Variants in RAB3C observed in about 807,000 individuals in gnomAD.
The protein encoded by RAB3C is RAB3C, member RAS oncogene family.
Under a neutral mutation model 26.4 loss-of-function variants are expected in RAB3C, and 17 were observed. The ratio of observed to expected loss-of-function variants is 0.64; its 90% CI spans 0.44 to 0.97. The LOEUF (loss-of-function observed/expected upper bound fraction) is 0.97. Among genes scored for constraint, RAB3C ranks in the 50% least tolerant of loss-of-function variants. RAB3C has a pLI of 0.00. For synonymous variants in RAB3C, 91 were observed against 95.9 expected, an observed-to-expected ratio of 0.95 and a Z score of 0.30; for missense variants, 242 against 281.9, an observed-to-expected ratio of 0.86 and a Z score of 1.01.
chr5:58,610,321 T>C (rs4700301), intron 1 of RAB3C, among the ~76,000 whole-genome samples: 21,355 of 151,596 alleles, frequency 0.14, 1,633 homozygotes, highest in Non-Finnish European at 0.16. Context: ...GCTAAACTGT[T>C]TGTCAGAGAG....
At chr5:58,778,030 G>A (rs1742187753) in intron 3 of RAB3C, among the ~76,000 whole-genome samples, 1 of 151,994 alleles carries the variant, frequency 6.6e-6, no homozygotes, top group Admixed American at 6.6e-5. Context: ...GTACATTGTG[G>A]GTGCTCATTT....
At chr5:58,762,458 C>T (rs999831145) in intron 3 of RAB3C, among the ~76,000 whole-genome samples, 18 of 152,074 alleles carry the variant, frequency 1.2e-4, no homozygotes, top group African/African-American at 4.3e-4. Flanking sequence ...TCTGGGAGGC[C>T]GAGGCAAGTG....
rs1310261110 is a variant in RAB3C, at chr5:58,851,859, T to TA, written c.*509dup. On this transcript the variant is annotated 3_prime_UTR_variant, in exon 5 of 5. Transcript: ENST00000282878. ...ATCAAATGGAAGTTTTTCTCATGAT[T>TA]AGGGACGCTGTCACGAGTCTGGTCA... 1.3e-5 allele frequency: 2 copies of TA among 152,216 alleles called. No homozygotes were observed. Among genetic ancestry groups the TA allele is most frequent in the African/African-American group, 4.8e-5 (2 of 41,442 alleles). 9.4% of individuals were successfully genotyped at this position (152,216 alleles called of 1,614,324 possible).
At chr5:58,651,986 A>G (rs1747662624) in intron 2 of RAB3C, among the ~76,000 whole-genome samples, 1 of 152,072 alleles carries the variant, frequency 6.6e-6, no homozygotes, top group Non-Finnish European at 1.5e-5. Context: ...TTGTTGTATT[A>G]TTATCTTTTA....
At chr5:58,702,817 C>T (rs1009843987) in intron 2 of RAB3C, among the ~76,000 whole-genome samples, 1 of 152,128 alleles carries the variant, frequency 6.6e-6, no homozygotes, top group African/African-American at 2.4e-5. Context: ...CCAGAGAGAA[C>T]TAATAATATT....
At chr5:58,821,334 G>A (rs1743337431) in intron 3 of RAB3C, among the ~76,000 whole-genome samples, 3 of 152,162 alleles carry the variant, frequency 2.0e-5, no homozygotes, top group African/African-American at 4.8e-5. Flanking sequence ...AAGACCTATA[G>A]GAACAAGAGA....
intron 2 of RAB3C, among the ~76,000 whole-genome samples, chr5:58,711,705 G>A (rs977867388): frequency 2.6e-5 from 4 of 152,094 alleles, no homozygotes; most frequent in Non-Finnish European, 5.9e-5. Context: ...ACTCAAAGGG[G>A]TTTAATTACT....
chr5:58,787,766 T>A (rs1021338346), intron 3 of RAB3C, among the ~76,000 whole-genome samples: 1 of 152,154 alleles, frequency 6.6e-6, no homozygotes, highest in Non-Finnish European at 1.5e-5. Flanking sequence ...ATCTAAGGAC[T>A]GTGGAGAGCT....
chr5:58,820,707 C>T lies in RAB3C; in HGVS notation c.372-4331C>T, dbSNP rs542302123. On this transcript the variant is annotated intron_variant, in intron 3 of 4. Coordinates refer to ENST00000282878, the MANE Select transcript of RAB3C (RefSeq NM_138453.4). ...AAAATATTCATTTTACATTATTTCC[C>T]GACAATTTAGAACATTTGAGGTTAC... is the stretch of plus-strand genomic sequence containing the variant. 1.1e-4 allele frequency among the ~76,000 whole-genome samples: 17 copies of T among 152,102 alleles called. No homozygotes were observed. The South Asian group carries it at 1.5e-3, about 13-fold the overall frequency.
At chr5:58,587,322 T>G (rs1042459594) in intron 1 of RAB3C, among the ~76,000 whole-genome samples, 3 of 152,136 alleles carry the variant, frequency 2.0e-5, no homozygotes, top group Admixed American at 1.3e-4. Flanking sequence ...TTGAAACTAC[T>G]CTTGCCCACT....
At chr5:58,763,468 A>C (rs1281266223) in intron 3 of RAB3C, among the ~76,000 whole-genome samples, 1 of 152,178 alleles carries the variant, frequency 6.6e-6, no homozygotes, top group Non-Finnish European at 1.5e-5. Context: ...ATATACAGAG[A>C]GTAAGCAGAG....
chr5:58,604,674 A>G (rs1280106329), intron 1 of RAB3C, among the ~76,000 whole-genome samples: 2 of 152,154 alleles, frequency 1.3e-5, no homozygotes, highest in Non-Finnish European at 2.9e-5. Flanking sequence ...AACAGCCCCA[A>G]TTCTGTTTCC....
intron 2 of RAB3C, among the ~76,000 whole-genome samples, chr5:58,669,148 G>T (rs949652144): frequency 2.6e-5 from 4 of 151,942 alleles, no homozygotes; most frequent in Admixed American, 1.3e-4. Context: ...ATGAATTTTG[G>T]GGGGACAAAA....
intron 4 of RAB3C, chr5:58,848,463 T>G (rs917303040): frequency 6.6e-6 from 1 of 152,194 alleles, no homozygotes; most frequent in African/African-American, 2.4e-5. Context: ...AAGTTAGTAG[T>G]TCATGTTCCA....
intron 2 of RAB3C, among the ~76,000 whole-genome samples, chr5:58,618,835 G>A (rs1056863065): frequency 6.6e-6 from 1 of 152,128 alleles, no homozygotes; most frequent in South Asian, 2.1e-4. Context: ...CATTTCCCAA[G>A]AGGTGTTTTC....
chr5:58,582,389 G>A (rs989150031), upstream of RAB3C: 6 of 985,228 alleles, frequency 6.1e-6, no homozygotes, highest in African/African-American at 1.0e-4. Flanking sequence ...TCTGAACCTC[G>A]AGTTGTAATG....
chr5:58,744,543 C>T (rs1025235640), intron 3 of RAB3C, among the ~76,000 whole-genome samples: 1 of 152,162 alleles, frequency 6.6e-6, no homozygotes, highest in Non-Finnish European at 1.5e-5. Context: ...GAAAAGAAAC[C>T]GCAGTGCATA....
intron 1 of RAB3C, among the ~76,000 whole-genome samples, chr5:58,595,546 GC>G (rs1175857585): frequency 6.6e-6 from 1 of 152,066 alleles, no homozygotes; most frequent in African/African-American, 2.4e-5. Context: ...ATGTGTCCTG[GC>G]TTCCATATGA....
chr5:58,769,568 G>A (rs1298629831), intron 3 of RAB3C, among the ~76,000 whole-genome samples: 2 of 152,104 alleles, frequency 1.3e-5, no homozygotes, highest in African/African-American at 4.8e-5. Flanking sequence ...CACTGACAGA[G>A]TTTGACTTGA....
Sources: allele counts gnomAD v4.1 joint callset (sites outside exome capture counted in the v4.1 genomes callset), GRCh38; gene constraint gnomAD v4.1.1; transcripts MANE v1.5; gene names NCBI Gene and HGNC (gene_info 2026-07-23, HGNC 2026-07-21).